PDE4D: variants seen among roughly 807,000 people sequenced by gnomAD.
The protein encoded by PDE4D is phosphodiesterase 4D, also known as 3',5'-cyclic-AMP phosphodiesterase 4D.
A neutral mutation model predicts 87.4 loss-of-function variants in PDE4D; 24 were observed. That is an observed-to-expected ratio of 0.27 (90% CI 0.20 to 0.39). PDE4D has a LOEUF of 0.39. Ranked by LOEUF, PDE4D falls within the 10% of genes least tolerant of loss-of-function variation. PDE4D has a pLI of 1.00. For missense variants in PDE4D, 714 were observed against 1,041.0 expected (o/e 0.69, Z 4.32); for synonymous variants, 384 against 383.2 (o/e 1.00, Z -0.02).
chr5:59,305,724 G>A (rs969692194), intron 1 of PDE4D, among the ~76,000 whole-genome samples: 4 of 152,078 alleles, frequency 2.6e-5, no homozygotes, highest in African/African-American at 9.7e-5. Context: ...GATTCCATTT[G>A]GAGTTGATTT....
At chr5:60,460,489 ATCT>A (rs1443809471) in intron 1 of PDE4D, 1 of 1,533,736 alleles carries the variant, frequency 6.5e-7, no homozygotes, top group Non-Finnish European at 9.0e-7. Flanking sequence ...CAATTCTGAC[ATCT>A]TCTGAAAAAA....
chr5:60,101,893 A>T (rs1776255314), intron 2 of PDE4D, among the ~76,000 whole-genome samples: 1 of 152,058 alleles, frequency 6.6e-6, no homozygotes, highest in Non-Finnish European at 1.5e-5. Context: ...GATGACTAAC[A>T]CTTATTAGTA....
chr5:60,077,902 C>T (rs537571142), intron 2 of PDE4D, among the ~76,000 whole-genome samples: 1 of 152,258 alleles, frequency 6.6e-6, no homozygotes, highest in East Asian at 1.9e-4. Context: ...TTCTTGGGGA[C>T]CAGGAACCGG....
At chr5:59,768,717 C>T (rs967570641) in intron 1 of PDE4D, 2 of 1,236,286 alleles carry the variant, frequency 1.6e-6, no homozygotes, top group Non-Finnish European at 1.1e-6. Context: ...GTCACCCCTC[C>T]TCTCCCAAGC....
intron 1 of PDE4D, among the ~76,000 whole-genome samples, chr5:60,504,335 G>GTT (rs566374395): frequency 1.4e-5 from 2 of 144,536 alleles, no homozygotes; most frequent in African/African-American, 5.0e-5. Flanking sequence ...TTCTTTTAAG[G>GTT]TTTTTTTTTT....
chr5:59,624,117 C>G (rs1387141193), intron 1 of PDE4D, among the ~76,000 whole-genome samples: 1 of 152,196 alleles, frequency 6.6e-6, no homozygotes, highest in African/African-American at 2.4e-5. Context: ...GAAACCACTA[C>G]TCATTTTCTG....
At chr5:59,212,200 G>A (rs1750237294) in intron 2 of PDE4D, among the ~76,000 whole-genome samples, 3 of 152,098 alleles carry the variant, frequency 2.0e-5, no homozygotes, top group Admixed American at 2.0e-4. Flanking sequence ...TTTACACATG[G>A]CCATATGAGA....
intron 1 of PDE4D, among the ~76,000 whole-genome samples, chr5:59,308,289 C>G (rs62358008): frequency 6.6e-6 from 1 of 151,294 alleles, no homozygotes; most frequent in Non-Finnish European, 1.5e-5. Flanking sequence ...TGCAGCACAC[C>G]GGCATGGCAC....
intron 5 of PDE4D, among the ~76,000 whole-genome samples, chr5:59,126,179 AAGG>A (rs1775377363): frequency 6.6e-6 from 1 of 152,062 alleles, no homozygotes; most frequent in African/African-American, 2.4e-5. Context: ...GGAAGGAAAA[AAGG>A]AAGAAAGGAA....
chr5:60,361,649 C>A (rs1760085149), intron 1 of PDE4D, among the ~76,000 whole-genome samples: 1 of 152,176 alleles, frequency 6.6e-6, no homozygotes, highest in African/African-American at 2.4e-5. Flanking sequence ...TCCATTTCTA[C>A]ATGAGCTTAT....
intron 13 of PDE4D, among the ~76,000 whole-genome samples, chr5:58,976,128 G>C (rs1268871315): frequency 6.6e-6 from 1 of 152,126 alleles, no homozygotes; most frequent in African/African-American, 2.4e-5. Context: ...TGGGGTGTTT[G>C]TTTGTTAGTT....
chr5:60,493,583 A>ATCATTCATTCAT (rs56333350), intron 1 of PDE4D, among the ~76,000 whole-genome samples: 4 of 149,560 alleles, frequency 2.7e-5, no homozygotes, highest in East Asian at 2.0e-4. Flanking sequence ...TCTATACACA[A>ATCATTCATTCAT]TCATTCATTC....
chr5:59,349,861 CAG>C (rs1373559167), intron 1 of PDE4D, among the ~76,000 whole-genome samples: 3 of 152,020 alleles, frequency 2.0e-5, no homozygotes, highest in African/African-American at 7.2e-5. Context: ...ATATTTATTG[CAG>C]AGTTTGTAAT....
At chr5:60,238,578 C>A (rs7709269) in intron 1 of PDE4D, among the ~76,000 whole-genome samples, 17,736 of 151,788 alleles carry the variant, frequency 0.12, 1,098 homozygotes, top group African/African-American at 0.15. Flanking sequence ...TAAAATTTTC[C>A]TTTTTTTAAT....
At chr5:59,540,743 T>G (rs751949349) in intron 1 of PDE4D, among the ~76,000 whole-genome samples, 1 of 152,206 alleles carries the variant, frequency 6.6e-6, no homozygotes, top group African/African-American at 2.4e-5. Context: ...TCTTAACTTA[T>G]AAGATATGAG....
chr5:59,961,130 C>T (rs570124012), intron 3 of PDE4D, among the ~76,000 whole-genome samples: 7 of 152,024 alleles, frequency 4.6e-5, no homozygotes, highest in East Asian at 3.9e-4. Flanking sequence ...TAAGTTCACC[C>T]GGAATAAGAA....
intron 2 of PDE4D, among the ~76,000 whole-genome samples, chr5:60,046,150 T>A (rs1172694268): frequency 6.6e-6 from 1 of 152,234 alleles, no homozygotes; most frequent in Non-Finnish European, 1.5e-5. Flanking sequence ...AGTTCACTCA[T>A]GATTTGGCTC....
At chr5:60,350,199 C>T (rs1042928740) in intron 1 of PDE4D, among the ~76,000 whole-genome samples, 3 of 152,150 alleles carry the variant, frequency 2.0e-5, no homozygotes, top group Non-Finnish European at 4.4e-5. Context: ...CTGGTGTCAG[C>T]TTTGTAAACC....
At chr5:59,876,825 A>C (rs907090532) in intron 1 of PDE4D, among the ~76,000 whole-genome samples, 1 of 152,212 alleles carries the variant, frequency 6.6e-6, no homozygotes, top group Non-Finnish European at 1.5e-5. Flanking sequence ...AAGATGTAGA[A>C]GTTTTTATCT....
Sources: gnomAD v4.1 joint callset for allele counts (sites outside exome capture counted in the v4.1 genomes callset) on GRCh38, gnomAD v4.1.1 for gene constraint, MANE v1.5 for transcripts, NCBI Gene and HGNC (gene_info 2026-07-23, HGNC 2026-07-21) for gene names.